The following STXBP3 variants were observed in gnomAD, a reference collection of about 807,000 sequenced individuals.
STXBP3 encodes syntaxin-binding protein 3.
Under a neutral mutation model 85.7 loss-of-function variants are expected in STXBP3, and 41 were observed. The observed-to-expected ratio is 0.48, with a 90% CI of 0.37 to 0.62. STXBP3 has a LOEUF of 0.62. Ranked by LOEUF, STXBP3 falls within the 20% of genes least tolerant of loss-of-function variation. The pLI is 0.00. For synonymous variants in STXBP3, 229 were observed against 231.7 expected, an observed-to-expected ratio of 0.99 and a Z score of 0.10; for missense variants, 563 against 703.1, an observed-to-expected ratio of 0.80 and a Z score of 2.25.
rs371028331 is a variant in STXBP3 at position 108,787,393 on chromosome 1, C to T, written c.963+4687C>T. Among the ~76,000 whole-genome samples, 236 of 152,250 alleles carry T rather than the reference C, an allele frequency of 1.6e-3. 8 individuals are homozygous for T. The South Asian group carries it at 0.048, about 31-fold the overall frequency. On this transcript the variant is annotated intron_variant, in intron 11 of 18. Coordinates refer to ENST00000370008, the MANE Select transcript of STXBP3 (RefSeq NM_007269.4). ...AGTCATGGGTTCTTAGTTTCTGTTT[C>T]GGCTAGTAAAGTCCCTTCCTTATCC... is the stretch of plus-strand genomic sequence containing the variant.
intron 8 of STXBP3, among the ~76,000 whole-genome samples, chr1:108,778,677 T>C (rs1431688246): frequency 4.3e-5 from 3 of 70,488 alleles, no homozygotes; most frequent in African/African-American, 1.2e-4. Context: ...AAATAGTAGC[T>C]ACTATTCATA....
chr1:108,793,678 T>C, intron 12 of STXBP3, 31 bp downstream of exon 12: 1 of 1,555,604 alleles, frequency 6.4e-7, no homozygotes, highest in Non-Finnish European at 8.8e-7. Flanking sequence ...GATACCTGAT[T>C]AGTTTTAGTT....
In STXBP3 at chr1:108,796,302, T is replaced by C; in HGVS notation, c.1179T>C (p.Val393=). The stretch of plus-strand genomic sequence containing the variant: ...ATTCCATGCGAGTACTCCTTCCAGT[T>C]CTACTCAACAAAAATCATGATAATT... ...VKDSMRVLLP[V]LLNKNHDNCD... The change falls in exon 14 of 19, where the codon GTT becomes GTC. Residue 393 remains valine, a synonymous_variant. Coordinates refer to ENST00000370008, the MANE Select transcript of STXBP3 (RefSeq NM_007269.4). The C allele has an allele frequency of 6.2e-7, 1 of 1,611,750 alleles. No homozygotes were observed. Among genetic ancestry groups the C allele is most frequent in the Non-Finnish European group, 8.5e-7 (1 of 1,177,920 alleles).
At chr1:108,805,804 A>T (rs2101140073) in intron 17 of STXBP3, among the ~76,000 whole-genome samples, 1 of 152,258 alleles carries the variant, frequency 6.6e-6, no homozygotes, top group East Asian at 1.9e-4. Flanking sequence ...CTGAGGTGGG[A>T]GGATTGCTTG....
At chr1:108,757,211 T>C (rs1662041099) in intron 4 of STXBP3, among the ~76,000 whole-genome samples, 1 of 152,074 alleles carries the variant, frequency 6.6e-6, no homozygotes, top group Admixed American at 6.6e-5. Flanking sequence ...GGAAATTCTT[T>C]AGTTTATAAT....
At chr1:108,799,500 C>T (rs1204796502) in intron 16 of STXBP3, among the ~76,000 whole-genome samples, 1 of 152,116 alleles carries the variant, frequency 6.6e-6, no homozygotes, top group East Asian at 1.9e-4. Flanking sequence ...AGAATTTCTC[C>T]TGAAACTTGA....
chr1:108,798,324 A>C (rs779764815), intron 16 of STXBP3, 87 bp downstream of exon 16: 25 of 988,316 alleles, frequency 2.5e-5, no homozygotes, highest in Non-Finnish European at 3.4e-5. Flanking sequence ...GTCTGAGTAT[A>C]TGTATTGGGC....
At chr1:108,746,911 C>T (rs1396615612) in intron 1 of STXBP3, 125 bp downstream of exon 1, 2 of 933,606 alleles carry the variant, frequency 2.1e-6, no homozygotes, top group Non-Finnish European at 3.3e-6. Context: ...GCTTTGGGAC[C>T]TGTGTGAGGA....
chr1:108,805,298 T>C (rs561432104), intron 17 of STXBP3, among the ~76,000 whole-genome samples: 1 of 152,346 alleles, frequency 6.6e-6, no homozygotes, highest in East Asian at 1.9e-4. Flanking sequence ...CTTGTTCCTG[T>C]TTCATCTTTC....
chr1:108,758,720 T>C (rs1662070289), intron 5 of STXBP3, 132 bp downstream of exon 5: 4 of 407,704 alleles, frequency 9.8e-6, no homozygotes, highest in Non-Finnish European at 8.9e-6. Flanking sequence ...TCCTGGTGAT[T>C]TTCTATTTAT....
rs200861224 is a variant in STXBP3 at position 108,756,783 on chromosome 1, C to G, written c.258+17C>G. On this transcript the variant is annotated intron_variant, in intron 4 of 18. Coordinates refer to ENST00000370008, the MANE Select transcript of STXBP3 (RefSeq NM_007269.4). Reference sequence around the variant, plus strand: ...ACATCAAAGGTGAGTATTTTGAGACCTTAAAAAGCAGGTTCATCAATATTT... The same window carrying G: ...ACATCAAAGGTGAGTATTTTGAGACGTTAAAAAGCAGGTTCATCAATATTT... 5.8e-6 allele frequency: 9 copies of G among 1,557,750 alleles called. No homozygotes were observed. The highest frequency in any genetic ancestry group is 7.8e-6 in the Non-Finnish European group (9 of 1,147,332).
intron 8 of STXBP3, among the ~76,000 whole-genome samples, 177 bp from the exon 9 acceptor site, chr1:108,779,109 T>TA (rs1662659346): frequency 6.6e-6 from 1 of 152,208 alleles, no homozygotes; most frequent in Non-Finnish European, 1.5e-5. Flanking sequence ...TTTTCTTTGT[T>TA]TTATTATAAC....
chr1:108,752,128 C>T lies in STXBP3; in HGVS notation c.50-129C>T. On this transcript the variant is annotated intron_variant, in intron 1 of 18. Coordinates refer to ENST00000370008, the MANE Select transcript of STXBP3 (RefSeq NM_007269.4). ...AATTGGATTTTTCCGTAAGGTTTAACAAATATGTATGCTTTTTATGTAGTT... is the reference window on the plus strand; with the variant it reads ...AATTGGATTTTTCCGTAAGGTTTAATAAATATGTATGCTTTTTATGTAGTT... 4 of 770,648 alleles carry T rather than the reference C, an allele frequency of 5.2e-6. No individual in the cohort carries two copies. In the East Asian group the frequency reaches 8.0e-5, roughly 15 times the overall value. 47.7% of individuals were successfully genotyped at this position (770,648 alleles called of 1,614,324 possible).
chr1:108,752,167 A>C, intron 1 of STXBP3, 90 bp from the exon 2 acceptor site: 1 of 1,208,122 alleles, frequency 8.3e-7, no homozygotes, highest in Non-Finnish European at 1.2e-6. Flanking sequence ...CAAATTTCAA[A>C]TTGGATTTTT....
chr1:108,774,114 T>C (rs535744226), intron 7 of STXBP3, among the ~76,000 whole-genome samples: 22 of 152,282 alleles, frequency 1.4e-4, no homozygotes, highest in Admixed American at 2.6e-4. Context: ...CCACATGATA[T>C]TTTTTGTTTT....
At chr1:108,754,456 G>A (rs1268862432) in intron 3 of STXBP3, among the ~76,000 whole-genome samples, 5 of 152,314 alleles carry the variant, frequency 3.3e-5, no homozygotes, top group Admixed American at 3.3e-4. Flanking sequence ...CTGGATAAGT[G>A]AAATATTGAT....
At chr1:108,774,819 T>C (rs754539060) in intron 7 of STXBP3, among the ~76,000 whole-genome samples, 2 of 152,038 alleles carry the variant, frequency 1.3e-5, no homozygotes, top group Admixed American at 6.6e-5. Context: ...GTTTGGCTCC[T>C]GTTAAGGGTT....
In STXBP3 at chr1:108,807,511, A is replaced by G; in HGVS notation, c.1646A>G (p.Glu549Gly). Reference protein sequence around the residue: ...ITYSEVRCAYEVSQAHKSCEV... With the variant: ...ITYSEVRCAYGVSQAHKSCEV... Reference sequence around the variant, plus strand: ...TACTCTGAAGTGCGTTGTGCTTATGAAGTTTCTCAGGCACATAAATCCTGT... The same window carrying G: ...TACTCTGAAGTGCGTTGTGCTTATGGAGTTTCTCAGGCACATAAATCCTGT... Residue 549 changes from glutamate (E) to glycine (G), a missense_variant, in exon 18 of 19, where the codon GAA (glutamate) becomes GGA (glycine). Transcript: ENST00000370008. 6.2e-7 allele frequency: 1 copy of G among 1,612,968 alleles called. No homozygotes were observed. The highest frequency in any genetic ancestry group is 8.5e-7 in the Non-Finnish European group (1 of 1,179,646).
chr1:108,776,592 G>A (rs926069397), intron 8 of STXBP3, among the ~76,000 whole-genome samples, 169 bp downstream of exon 8: 5 of 152,106 alleles, frequency 3.3e-5, no homozygotes, highest in Admixed American at 3.3e-4. Context: ...AACCTTAATA[G>A]ATGGTATGGT....
Sources: gnomAD v4.1 joint callset for allele counts (sites outside exome capture counted in the v4.1 genomes callset) on GRCh38, gnomAD v4.1.1 for gene constraint, MANE v1.5 for transcripts, NCBI Gene and HGNC (gene_info 2026-07-23, HGNC 2026-07-21) for gene names.